RALYL: variants seen among roughly 807,000 people sequenced by gnomAD.
The protein encoded by RALYL is RALY RNA binding protein like, also known as RNA-binding Raly-like protein.
In RALYL, 29 loss-of-function variants were observed where a neutral mutation model predicts 35.1. That is an observed-to-expected ratio of 0.83 (90% CI 0.61 to 1.13). RALYL has a LOEUF of 1.13. Among genes scored for constraint, RALYL ranks in the 50% most tolerant of loss-of-function variants. The pLI, the probability that RALYL is intolerant of heterozygous loss-of-function variation, is 0.00. For missense variants in RALYL, 359 were observed against 360.4 expected (o/e 1.00, Z 0.03); for synonymous variants, 120 against 127.6 (o/e 0.94, Z 0.40).
At chr8:84,315,082 T>C (rs1843485469) in intron 1 of RALYL, among the ~76,000 whole-genome samples, 1 of 152,166 alleles carries the variant, frequency 6.6e-6, no homozygotes, top group Non-Finnish European at 1.5e-5. Context: ...TACAAGAGGA[T>C]ATAGATAAAA....
intron 1 of RALYL, among the ~76,000 whole-genome samples, chr8:84,350,198 C>T (rs1436340078): frequency 6.6e-6 from 1 of 150,394 alleles, no homozygotes; most frequent in Non-Finnish European, 1.5e-5. Context: ...ATATCCACCA[C>T]AGTTGGCTAG....
chr8:84,360,682 G>A (rs1852802756), intron 1 of RALYL, among the ~76,000 whole-genome samples: 1 of 152,280 alleles, frequency 6.6e-6, no homozygotes, highest in East Asian at 1.9e-4. Flanking sequence ...AGGATTTATT[G>A]AGTGAGGTTG....
At chr8:84,567,231 A>G (rs1265103202) in intron 2 of RALYL, among the ~76,000 whole-genome samples, 1 of 151,750 alleles carries the variant, frequency 6.6e-6, no homozygotes, top group Admixed American at 6.6e-5. Context: ...TTTTGTTTTA[A>G]TTTTAGACAG....
intron 1 of RALYL, among the ~76,000 whole-genome samples, chr8:84,310,805 TG>T (rs1286037913): frequency 2.9e-5 from 4 of 137,616 alleles, no homozygotes; most frequent in Non-Finnish European, 1.6e-5. Flanking sequence ...CCCAGCACTT[TG>T]GGAGGCCGAG....
At chr8:84,607,368 A>T (rs1346292151) in intron 2 of RALYL, among the ~76,000 whole-genome samples, 1 of 152,186 alleles carries the variant, frequency 6.6e-6, no homozygotes, top group Admixed American at 6.5e-5. Context: ...GAGTAATTAA[A>T]TATGAACTCA....
At chr8:84,908,827 C>T (rs1163169754) in intron 8 of RALYL, among the ~76,000 whole-genome samples, 2 of 151,564 alleles carry the variant, frequency 1.3e-5, no homozygotes, top group Non-Finnish European at 2.9e-5. Flanking sequence ...GTTGATGTCA[C>T]TGAATGATAT....
intron 1 of RALYL, among the ~76,000 whole-genome samples, chr8:84,374,108 C>G (rs761462203): frequency 2.0e-5 from 3 of 152,000 alleles, no homozygotes; most frequent in Non-Finnish European, 2.9e-5. Context: ...AGCTTTTGTG[C>G]TGAGACTATA....
chr8:84,577,225 G>C (rs1451651967), intron 2 of RALYL, among the ~76,000 whole-genome samples: 5 of 152,228 alleles, frequency 3.3e-5, no homozygotes, highest in South Asian at 2.1e-4. Context: ...TAGTCAGGCT[G>C]ACACTATCCA....
intron 2 of RALYL, among the ~76,000 whole-genome samples, chr8:84,681,681 A>C (rs1441296247): frequency 1.3e-5 from 2 of 152,152 alleles, no homozygotes; most frequent in Non-Finnish European, 2.9e-5. Flanking sequence ...ATTTTTGCAC[A>C]TTGATTTTGT....
chr8:84,462,627 A>G (rs1316896287), intron 1 of RALYL, among the ~76,000 whole-genome samples: 23 of 142,974 alleles, frequency 1.6e-4, no homozygotes, highest in African/African-American at 5.9e-4. Flanking sequence ...GCATGTGGAT[A>G]TCCAGTTGTT....
intron 2 of RALYL, among the ~76,000 whole-genome samples, chr8:84,578,820 G>A (rs1055762389): frequency 6.6e-6 from 1 of 152,202 alleles, no homozygotes; most frequent in Non-Finnish European, 1.5e-5. Context: ...TGTGAGTCTG[G>A]CTGGGTCTGG....
chr8:84,444,235 G>A (rs548871508), intron 1 of RALYL, among the ~76,000 whole-genome samples: 32 of 152,120 alleles, frequency 2.1e-4, no homozygotes, highest in African/African-American at 7.0e-4. Flanking sequence ...AAGCTGAGGC[G>A]GGAGGATCCC....
Position 84,820,692 on chromosome 8 carries a change from C to T in RALYL, c.365+15890C>T, listed in dbSNP as rs375197376. Among the ~76,000 whole-genome samples the T allele has an allele frequency of 7.0e-4, 107 of 152,160 alleles. 2 individuals are homozygous for T. The highest frequency in any genetic ancestry group is 2.4e-3 in the African/African-American group (100 of 41,512). On this transcript the variant is annotated intron_variant, in intron 4 of 8. Coordinates refer to ENST00000521268, the MANE Select transcript of RALYL (RefSeq NM_173848.7). ...TGCATTAGGTATTTGTCCTAATGCTCTCCCTCCCCTTTCCCCTTGCCCCCT... is the reference window on the plus strand; with the variant it reads ...TGCATTAGGTATTTGTCCTAATGCTTTCCCTCCCCTTTCCCCTTGCCCCCT...
At chr8:84,899,991 T>C (rs954060739) in intron 8 of RALYL, among the ~76,000 whole-genome samples, 9 of 152,220 alleles carry the variant, frequency 5.9e-5, no homozygotes, top group Non-Finnish European at 1.2e-4. Context: ...AGTGCAGCTA[T>C]CAAACAACGT....
chr8:84,494,164 C>T (rs542699891), intron 1 of RALYL, among the ~76,000 whole-genome samples: 2 of 152,166 alleles, frequency 1.3e-5, no homozygotes, highest in South Asian at 2.1e-4. Context: ...ATAGGGAATC[C>T]TTTCCCCATT....
At chr8:84,670,910 G>C (rs534931042) in intron 2 of RALYL, among the ~76,000 whole-genome samples, 1 of 152,254 alleles carries the variant, frequency 6.6e-6, no homozygotes, top group East Asian at 1.9e-4. Flanking sequence ...GTCACCCGAA[G>C]TCTTAACTCA....
chr8:84,672,503 A>G (rs2131840919), intron 2 of RALYL, among the ~76,000 whole-genome samples: 1 of 152,196 alleles, frequency 6.6e-6, no homozygotes, highest in East Asian at 1.9e-4. Flanking sequence ...GCACCCCATT[A>G]CTTCGTACTA....
chr8:84,282,747 CGTGTGTGTGTGT>C (rs5892909), intron 1 of RALYL, among the ~76,000 whole-genome samples: 47 of 148,670 alleles, frequency 3.2e-4, no homozygotes, highest in Middle Eastern at 7.0e-3. Context: ...TATGTGTATG[CGTGTGTGTGTGT>C]GTGTGTGTGT....
chr8:84,583,442 A>T (rs1044894836), intron 2 of RALYL, among the ~76,000 whole-genome samples: 3 of 152,200 alleles, frequency 2.0e-5, no homozygotes, highest in Non-Finnish European at 4.4e-5. Flanking sequence ...TTTTCAGTAC[A>T]GCCAAGTGTA....
Sources: allele counts gnomAD v4.1 joint callset (sites outside exome capture counted in the v4.1 genomes callset), GRCh38; gene constraint gnomAD v4.1.1; transcripts MANE v1.5; gene names NCBI Gene and HGNC (gene_info 2026-07-23, HGNC 2026-07-21).